Variants in ABTB2 observed in about 807,000 individuals in gnomAD.
ABTB2 encodes the protein ankyrin repeat and BTB domain containing 2.
Under a neutral mutation model 104.1 loss-of-function variants are expected in ABTB2, and 56 were observed. That is an observed-to-expected ratio of 0.54 (90% CI 0.43 to 0.67). The LOEUF is 0.67. ABTB2 is among the 30% of genes least tolerant of loss of function. The pLI is 0.00. For missense variants in ABTB2, 1,279 were observed against 1,407.7 expected (o/e 0.91, Z 1.46); for synonymous variants, 606 against 608.2 (o/e 1.00, Z 0.05).
chr11:34,190,821 G>C (rs2133031825), intron 3 of ABTB2, among the ~76,000 whole-genome samples: 1 of 152,278 alleles, frequency 6.6e-6, no homozygotes. Context: ...TCAATAAAGA[G>C]AGCCTGCTCT....
intron 1 of ABTB2, among the ~76,000 whole-genome samples, chr11:34,231,171 G>A (rs189552545): frequency 4.3e-4 from 66 of 152,254 alleles, no homozygotes; most frequent in African/African-American, 1.5e-3. Flanking sequence ...TGATGAGATG[G>A]GAGCCAACCG....
intron 1 of ABTB2, among the ~76,000 whole-genome samples, chr11:34,255,556 A>G (rs1374364650): frequency 6.6e-6 from 1 of 151,894 alleles, no homozygotes; most frequent in African/African-American, 2.4e-5. Flanking sequence ...GTAGTGGCAC[A>G]ATCTCAGTTC....
chr11:34,269,952 G>T (rs1196516048), intron 1 of ABTB2, among the ~76,000 whole-genome samples: 3 of 152,200 alleles, frequency 2.0e-5, no homozygotes, highest in African/African-American at 7.2e-5. Flanking sequence ...CCATTTTACA[G>T]ATAAGAAAAT....
chr11:34,192,358 G>C (rs1291349012), intron 3 of ABTB2, among the ~76,000 whole-genome samples: 2 of 152,214 alleles, frequency 1.3e-5, no homozygotes, highest in Middle Eastern at 3.2e-3. Context: ...TAAGAGCCTT[G>C]AAGAGGTTAA....
chr11:34,266,312 TG>T (rs1169179310), intron 1 of ABTB2, among the ~76,000 whole-genome samples: 1 of 152,202 alleles, frequency 6.6e-6, no homozygotes, highest in Non-Finnish European at 1.5e-5. Context: ...CTTGAACTCC[TG>T]GGCTCAAGCA....
At chr11:34,182,962 G>C (rs1459733829) in intron 3 of ABTB2, among the ~76,000 whole-genome samples, 1 of 152,118 alleles carries the variant, frequency 6.6e-6, no homozygotes, top group African/African-American at 2.4e-5. Context: ...TATGAACCTG[G>C]GCAGTGTCCC....
chr11:34,231,471 G>A (rs1291120617), intron 1 of ABTB2, among the ~76,000 whole-genome samples: 1 of 152,180 alleles, frequency 6.6e-6, no homozygotes, highest in Non-Finnish European at 1.5e-5. Context: ...GCGGGAGTGG[G>A]GAATAATACT....
intron 9 of ABTB2, among the ~76,000 whole-genome samples, chr11:34,163,811 A>G (rs537529580): frequency 1.2e-3 from 189 of 152,342 alleles, no homozygotes; most frequent in African/African-American, 4.2e-3. Flanking sequence ...TGACTGTCCC[A>G]AGGGTCCTGT....
Position 34,170,957 on chromosome 11 carries a change from G to T in ABTB2, c.1512C>A (p.Asn504Lys). 1 of 1,614,172 alleles carries T rather than the reference G, an allele frequency of 6.2e-7. No homozygotes were observed. The highest frequency in any genetic ancestry group is 8.5e-7 in the Non-Finnish European group (1 of 1,180,040). ...CCGGACCCAAGGCCTCGATGGCTTG[G>T]TTGATGAGGTCCGTCCTCCCACAGT... ...MLNCGRTDLI[N>K]QAIEALGPDG... Residue 504 changes from asparagine to lysine, a missense_variant, in exon 5 of 17, where the codon AAC becomes AAA. Coordinates refer to ENST00000435224, the MANE Select transcript of ABTB2 (RefSeq NM_145804.3).
intron 3 of ABTB2, among the ~76,000 whole-genome samples, chr11:34,196,917 G>A (rs1181062414): frequency 3.9e-5 from 6 of 152,232 alleles, no homozygotes; most frequent in African/African-American, 1.4e-4. Context: ...GAAAAGAGGT[G>A]ACAGCTACCA....
At position 34,160,910 on chromosome 11, in the gene ABTB2, G is replaced by A; in HGVS notation, c.2390C>T (p.Thr797Ile). ...GLQLMFDILK[T>I]SKNDSVIQQL... The stretch of plus-strand genomic sequence containing the variant: ...GCCACTGGCCACACTTACTTTGCTG[G>A]TCTTGAGGATGTCGAACATGAGCTG... The change falls in exon 11 of 17, where the codon ACC becomes ATC. Residue 797 changes from threonine (T) to isoleucine (I), a missense_variant. Transcript: ENST00000435224. 6.2e-7 allele frequency: 1 copy of A among 1,607,302 alleles called. No homozygotes were observed.
At chr11:34,194,561 T>C (rs1420434499) in intron 3 of ABTB2, among the ~76,000 whole-genome samples, 2 of 141,592 alleles carry the variant, frequency 1.4e-5, no homozygotes, top group East Asian at 3.9e-4. Flanking sequence ...GGGGCCTTGA[T>C]GGGACATTGG....
intron 10 of ABTB2, 132 bp from the exon 11 acceptor site, chr11:34,161,213 C>T (rs975590360): frequency 2.5e-5 from 22 of 878,840 alleles, no homozygotes; most frequent in African/African-American, 1.4e-4. Context: ...CGCCCCCTCC[C>T]GCCTGCCCCC....
chr11:34,336,439 G>A (rs1288980215), intron 1 of ABTB2, among the ~76,000 whole-genome samples: 5 of 152,140 alleles, frequency 3.3e-5, no homozygotes, highest in African/African-American at 4.8e-5. Context: ...CCACAAGTTT[G>A]AGACTAGCCT....
chr11:34,206,492 G>A (rs1853409056), intron 1 of ABTB2, among the ~76,000 whole-genome samples: 1 of 152,204 alleles, frequency 6.6e-6, no homozygotes, highest in Admixed American at 6.5e-5. Context: ...TCAGGTAAGT[G>A]GAAGAGCTAG....
At chr11:34,277,799 CTTT>C (rs1163442976) in intron 1 of ABTB2, among the ~76,000 whole-genome samples, 3,629 of 120,434 alleles carry the variant, frequency 0.03, 137 homozygotes, top group African/African-American at 0.12. Flanking sequence ...AACAGATTCT[CTTT>C]TTTTTTTTTT....
At chr11:34,184,893 C>T (rs1241501486) in intron 3 of ABTB2, among the ~76,000 whole-genome samples, 2 of 152,270 alleles carry the variant, frequency 1.3e-5, no homozygotes, top group African/African-American at 4.8e-5. Context: ...CGAGCTCTTT[C>T]ACCACATGGA....
At chr11:34,167,401 G>C (rs530766493) in intron 6 of ABTB2, 41 bp from the exon 7 acceptor site, 28 of 1,517,354 alleles carry the variant, frequency 1.8e-5, no homozygotes, top group African/African-American at 1.5e-4. Context: ...CTGGGCACCC[G>C]AGCGAAGGGA....
chr11:34,207,178 C>T (rs1853419335), intron 1 of ABTB2, among the ~76,000 whole-genome samples: 1 of 152,244 alleles, frequency 6.6e-6, no homozygotes, highest in African/African-American at 2.4e-5. Flanking sequence ...TGGGAGAGCC[C>T]AGTGCAGGCC....
Sources: allele counts gnomAD v4.1 joint callset (sites outside exome capture counted in the v4.1 genomes callset), GRCh38; gene constraint gnomAD v4.1.1; transcripts MANE v1.5; gene names NCBI Gene and HGNC (gene_info 2026-07-23, HGNC 2026-07-21).